USP6NL: variants seen among roughly 807,000 people sequenced by gnomAD.
USP6NL encodes the protein USP6 N-terminal like, also known as USP6 N-terminal-like protein.
USP6NL carries 26 observed loss-of-function variants against 61.9 expected under a neutral mutation model. The ratio of observed to expected loss-of-function variants is 0.42; its 90% CI spans 0.31 to 0.58. The LOEUF is 0.58. Ranked by LOEUF, USP6NL falls within the 20% of genes least tolerant of loss-of-function variation. The pLI, the probability that USP6NL is intolerant of heterozygous loss-of-function variation, is 0.16. For missense variants in USP6NL, 1,114 were observed against 1,034.3 expected (o/e 1.08, Z -1.06); for synonymous variants, 432 against 390.1 (o/e 1.11, Z -1.27).
chr10:11,531,530 C>T (rs746012202), intron 2 of USP6NL, among the ~76,000 whole-genome samples: 2 of 151,918 alleles, frequency 1.3e-5, no homozygotes, highest in Non-Finnish European at 2.9e-5. Flanking sequence ...GTTGGCCAGG[C>T]TGGTCTCAAG....
At position 11,461,882 on chromosome 10, in the gene USP6NL, T is replaced by C. The variant is rs946911214; in HGVS notation, c.*559A>G. 6.6e-6 allele frequency: 1 copy of C among 152,432 alleles called. No homozygotes were observed. The highest frequency in any genetic ancestry group is 2.4e-5 in the African/African-American group (1 of 41,366). The allele number at this position is 152,432 out of a possible 1,614,324, so 9.4% of individuals were successfully genotyped here. On this transcript the variant is annotated 3_prime_UTR_variant, in exon 15 of 15. Transcript: ENST00000609104. ...GTCAGTTTAGGACCCAGGTTACAAA[T>C]ATATGAGAGGGAAAAAGAAAAACTG...
At chr10:11,509,719 T>C (rs1834617056) in intron 5 of USP6NL, 44 bp from the exon 6 acceptor site, 2 of 1,454,226 alleles carry the variant, frequency 1.4e-6, no homozygotes, top group African/African-American at 2.9e-5. Flanking sequence ...TTCGTTTCTT[T>C]ACTTATGAGT....
chr10:11,500,538 T>C (rs895539837), intron 7 of USP6NL, among the ~76,000 whole-genome samples: 10 of 152,138 alleles, frequency 6.6e-5, no homozygotes, highest in African/African-American at 2.4e-4. Flanking sequence ...AGGAGATACA[T>C]TTAAAGCACC....
At chr10:11,514,452 T>G (rs1163590669) in intron 5 of USP6NL, among the ~76,000 whole-genome samples, 2 of 152,218 alleles carry the variant, frequency 1.3e-5, no homozygotes, top group Admixed American at 1.3e-4. Context: ...ATCACTATAA[T>G]CTAAAGAATT....
chr10:11,510,157 TA>T lies in USP6NL; in HGVS notation c.196-483del, dbSNP rs1034135596. On this transcript the variant is annotated intron_variant, in intron 5 of 14. Coordinates refer to ENST00000609104, the MANE Select transcript of USP6NL (RefSeq NM_014688.5). The surrounding 1 kb of genome is among the most constrained non-coding windows in gnomAD (Gnocchi z 4.8). The stretch of plus-strand genomic sequence containing the variant: ...TAGCCTTATGCTAGAGGGAAACTAT[TA>T]AAAAAAATAAAACTAAGTACTAGTT... Among the ~76,000 whole-genome samples the T allele has an allele frequency of 2.6e-5, 4 of 151,860 alleles. No individual in the cohort carries two copies. Among genetic ancestry groups the T allele is most frequent in the Non-Finnish European group, 5.9e-5 (4 of 67,970 alleles).
rs993238314 is a variant in USP6NL, at chr10:11,589,287, A to G, written c.4+8344T>C. ...TTTCTGTTATATTAGTTAAAACAAC[A>G]AATTTAAGCAGGTTTGAAAATTAAA... On this transcript the variant is annotated intron_variant, in intron 2 of 14. Coordinates refer to ENST00000609104, the MANE Select transcript of USP6NL (RefSeq NM_014688.5). This position sits in a 1 kb window ranked among gnomAD's most constrained non-coding sequence, Gnocchi z 4.7. 6.6e-6 allele frequency among the ~76,000 whole-genome samples: 1 copy of G among 152,240 alleles called. No individual in the cohort carries two copies. Among genetic ancestry groups the G allele is most frequent in the Non-Finnish European group, 1.5e-5 (1 of 68,042 alleles).
At chr10:11,571,145 G>A (rs187179776) in intron 2 of USP6NL, among the ~76,000 whole-genome samples, 147 of 150,722 alleles carry the variant, frequency 9.8e-4, no homozygotes, top group African/African-American at 3.3e-3. Context: ...GTGCAATGGC[G>A]CAATCTCAGC....
intron 2 of USP6NL, among the ~76,000 whole-genome samples, chr10:11,588,064 G>A (rs1176966131): frequency 6.6e-6 from 1 of 152,192 alleles, no homozygotes; most frequent in Non-Finnish European, 1.5e-5. Context: ...ACACCTGTTA[G>A]GTCAGATCCC....
At chr10:11,469,535 G>A (rs1453335088) in intron 14 of USP6NL, among the ~76,000 whole-genome samples, 11 of 152,204 alleles carry the variant, frequency 7.2e-5, no homozygotes, top group Non-Finnish European at 1.3e-4. Context: ...CTGTTTAAGA[G>A]GAATATGGCA....
At chr10:11,555,193 AT>A (rs1836644567) in intron 2 of USP6NL, among the ~76,000 whole-genome samples, 1 of 143,160 alleles carries the variant, frequency 7.0e-6, no homozygotes, top group South Asian at 2.2e-4. Flanking sequence ...AGGCAGGTGG[AT>A]CACCTGAGGT....
Position 11,462,957 on chromosome 10 carries a change from C to T in USP6NL, c.1971G>A (p.Gln657=). 2 of 1,613,742 alleles carry T rather than the reference C, an allele frequency of 1.2e-6. No individual in the cohort carries two copies. Among genetic ancestry groups the T allele is most frequent in the Non-Finnish European group, 1.7e-6 (2 of 1,179,812 alleles). Residue 657 remains glutamine, a synonymous_variant, in exon 15 of 15, where the codon CAG becomes CAA. Coordinates refer to ENST00000609104, the MANE Select transcript of USP6NL (RefSeq NM_014688.5). ...GATTCAGTTGAGTCCCAGGGCTAAA[C>T]TGTGGAGAAGCAAAGCTGCTGTTGG... ...PTANSSFASP[Q]FSPGTQLNPS... is the part of the protein sequence containing the mutation.
intron 2 of USP6NL, among the ~76,000 whole-genome samples, chr10:11,538,356 T>C (rs1835919645): frequency 6.6e-6 from 1 of 152,180 alleles, no homozygotes; most frequent in Admixed American, 6.5e-5. Flanking sequence ...TCTGACCTAC[T>C]GTATTTCCAC....
In USP6NL at chr10:11,600,116, T is replaced by C. The variant is rs535876075; in HGVS notation, c.-83-2399A>G. On this transcript the variant is annotated intron_variant, in intron 1 of 14. Transcript: ENST00000609104. This position sits in a 1 kb window ranked among gnomAD's most constrained non-coding sequence, Gnocchi z 4.1. ...AGGTGAAAGAAGAAAAACCTTACTT[T>C]CTGTTTTTCACACCATCCAACAGGG... 6.6e-6 allele frequency among the ~76,000 whole-genome samples: 1 copy of C among 152,288 alleles called. No individual in the cohort carries two copies. The highest frequency in any genetic ancestry group is 2.4e-5 in the African/African-American group (1 of 41,556).
chr10:11,544,486 CTCTTT>C (rs953135600), intron 2 of USP6NL, among the ~76,000 whole-genome samples: 3 of 151,946 alleles, frequency 2.0e-5, no homozygotes, highest in East Asian at 1.9e-4. Flanking sequence ...TAAATTTTCT[CTCTTT>C]TCTTTTTTTT....
chr10:11,608,198 T>A (rs551365739), intron 1 of USP6NL, among the ~76,000 whole-genome samples: 8 of 152,184 alleles, frequency 5.3e-5, no homozygotes, highest in Non-Finnish European at 1.2e-4. Flanking sequence ...TATTTAACAT[T>A]TAATCCCAGT....
At position 11,553,553 on chromosome 10, in the gene USP6NL, A is replaced by G. The variant is rs1836571680; in HGVS notation, c.5-25986T>C. Among the ~76,000 whole-genome samples the G allele has an allele frequency of 6.6e-6, 1 of 152,184 alleles. No homozygotes were observed. Among genetic ancestry groups the G allele is most frequent in the Non-Finnish European group, 1.5e-5 (1 of 68,032 alleles). Reference sequence around the variant, plus strand: ...ATATATACTTACATCCATTCATTGAACCCTCACTCCATTCATCAATATTAG... The same window carrying G: ...ATATATACTTACATCCATTCATTGAGCCCTCACTCCATTCATCAATATTAG... On this transcript the variant is annotated intron_variant, in intron 2 of 14. Transcript: ENST00000609104. This position sits in a 1 kb window ranked among gnomAD's most constrained non-coding sequence, Gnocchi z 4.8.
chr10:11,593,988 A>G (rs896111346), intron 2 of USP6NL, among the ~76,000 whole-genome samples: 2 of 152,218 alleles, frequency 1.3e-5, no homozygotes, highest in Non-Finnish European at 2.9e-5. Flanking sequence ...CCAGAAAAAT[A>G]TTGGGGGGGA....
chr10:11,529,266 C>T (rs1338141528), intron 2 of USP6NL, among the ~76,000 whole-genome samples: 2 of 152,138 alleles, frequency 1.3e-5, no homozygotes, highest in Admixed American at 1.3e-4. Context: ...AAAAAATGCA[C>T]TGATAATACT....
chr10:11,579,221 ACAGGG>A, intron 2 of USP6NL, among the ~76,000 whole-genome samples: 1 of 152,360 alleles, frequency 6.6e-6, no homozygotes, highest in East Asian at 1.9e-4. Context: ...TTTTGAGTTG[ACAGGG>A]CAGGTTGCAA....
Sources: allele counts gnomAD v4.1 joint callset (sites outside exome capture counted in the v4.1 genomes callset), GRCh38; gene constraint gnomAD v4.1.1; non-coding constraint Gnocchi (gnomAD v3.1); transcripts MANE v1.5; gene names NCBI Gene and HGNC (gene_info 2026-07-23, HGNC 2026-07-21).